The following ROR2 variants were observed in gnomAD, a reference collection of about 807,000 sequenced individuals.
ROR2 encodes tyrosine-protein kinase transmembrane receptor ROR2.
In ROR2, 33 loss-of-function variants were observed where a neutral mutation model predicts 74.9. The ratio of observed to expected loss-of-function variants is 0.44; its 90% CI spans 0.33 to 0.59. ROR2 has a LOEUF of 0.59. Among genes scored for constraint, ROR2 ranks in the 20% least tolerant of loss-of-function variants. The probability of loss-of-function intolerance (pLI) is 0.02; values close to 1 mark genes in which losing one functional copy is unlikely to be tolerated. For synonymous variants in ROR2, 586 were observed against 558.7 expected (o/e 1.05, Z -0.69); for missense variants, 1,216 against 1,313.8 (o/e 0.93, Z 1.15).
intron 1 of ROR2, among the ~76,000 whole-genome samples, chr9:91,812,396 G>A (rs770887617): frequency 1.3e-5 from 2 of 152,068 alleles, no homozygotes; most frequent in African/African-American, 4.8e-5. Context: ...TCCTGCGCGG[G>A]GGCCGGGCAT....
chr9:91,805,096 C>T (rs1032362220), intron 1 of ROR2, among the ~76,000 whole-genome samples: 1 of 152,202 alleles, frequency 6.6e-6, no homozygotes, highest in African/African-American at 2.4e-5. Context: ...AGCCACATGA[C>T]TATCCTCGAG....
chr9:91,904,918 C>T (rs970552236), intron 1 of ROR2, among the ~76,000 whole-genome samples: 5 of 152,108 alleles, frequency 3.3e-5, no homozygotes, highest in African/African-American at 1.2e-4. Context: ...TGTGCGCACA[C>T]ACACCACACA....
intron 1 of ROR2, among the ~76,000 whole-genome samples, chr9:91,868,323 A>C (rs534399566): frequency 3.3e-5 from 5 of 152,186 alleles, no homozygotes; most frequent in Non-Finnish European, 7.3e-5. Context: ...AATTGAAAAG[A>C]AATAAACAGA....
rs1220938638 is a variant in ROR2 at position 91,757,457 on chromosome 9, A to C, written c.278T>G (p.Val93Gly). 1 of 1,613,678 alleles carries C rather than the reference A, an allele frequency of 6.2e-7. No individual in the cohort carries two copies. Reference protein sequence around the residue: ...CKVAGNPPPNVRWLKNDAPVV... With the variant: ...CKVAGNPPPNGRWLKNDAPVV... ...CGGGGCATCATTCTTTAGCCACCGC[A>C]CGTTAGGGGGTGGGTTTCCTGCCAC... Residue 93 changes from valine (V) to glycine (G), a missense_variant, in exon 3 of 9, where the codon GTG (valine) becomes GGG (glycine). Val to Gly is a moderately radical substitution (Grantham distance 109). Coordinates refer to ENST00000375708, the MANE Select transcript of ROR2 (RefSeq NM_004560.4).
At chr9:91,812,150 C>T (rs1377901415) in intron 1 of ROR2, among the ~76,000 whole-genome samples, 1 of 152,024 alleles carries the variant, frequency 6.6e-6, no homozygotes, top group African/African-American at 2.4e-5. Context: ...CCACAAGTGG[C>T]CCACAGGCTG....
chr9:91,867,293 T>C (rs552379766), intron 1 of ROR2, among the ~76,000 whole-genome samples: 1 of 152,334 alleles, frequency 6.6e-6, no homozygotes, highest in South Asian at 2.1e-4. Context: ...TTTTCTTTCT[T>C]TTCTTCATTC....
rs9409459 is a variant in ROR2 at position 91,737,682 on chromosome 9, T to C, written c.495-164A>G. ...CACATAAGTCACACAAAAACCTGTA[T>C]GTAAATGTTTATGGCAGCTTTATTC... On this transcript the variant is annotated intron_variant, in intron 4 of 8. Coordinates refer to ENST00000375708, the MANE Select transcript of ROR2 (RefSeq NM_004560.4). Among the ~76,000 whole-genome samples, 147,538 of 152,304 alleles carry C rather than the reference T, an allele frequency of 0.97. 71,553 individuals carry two copies. Among genetic ancestry groups the C allele is most frequent in the African/African-American group, 0.99 (41,288 of 41,550 alleles).
chr9:91,861,329 A>C (rs7866996), intron 1 of ROR2, among the ~76,000 whole-genome samples: 17,751 of 152,200 alleles, frequency 0.12, 2,261 homozygotes, highest in African/African-American at 0.32. Context: ...AACAATGTTG[A>C]AAAAAATAAA....
At chr9:91,856,223 G>GT (rs1272778391) in intron 1 of ROR2, among the ~76,000 whole-genome samples, 1 of 152,164 alleles carries the variant, frequency 6.6e-6, no homozygotes, top group East Asian at 1.9e-4. Context: ...AGGCATGGTG[G>GT]TGTGTGCCTG....
chr9:91,859,681 C>T (rs957279867), intron 1 of ROR2, among the ~76,000 whole-genome samples: 18 of 152,092 alleles, frequency 1.2e-4, no homozygotes, highest in Admixed American at 7.9e-4. Context: ...AAAAATTAGC[C>T]GGTCGTGGTG....
At chr9:91,769,077 A>G (rs1190166460) in intron 2 of ROR2, among the ~76,000 whole-genome samples, 1 of 152,136 alleles carries the variant, frequency 6.6e-6, no homozygotes, top group African/African-American at 2.4e-5. Flanking sequence ...GGAGGCAGAC[A>G]AGACTGGCAG....
intron 7 of ROR2, 146 bp from the exon 8 acceptor site, chr9:91,726,889 A>G: frequency 1.3e-6 from 1 of 777,626 alleles, no homozygotes. Flanking sequence ...AAAAGGGCAC[A>G]CCACACCTTA....
chr9:91,920,511 G>GA (rs1831235699), intron 1 of ROR2, among the ~76,000 whole-genome samples: 1 of 152,210 alleles, frequency 6.6e-6, no homozygotes, highest in African/African-American at 2.4e-5. Flanking sequence ...GTCTGGAAAA[G>GA]AAAAAGAACA....
chr9:91,887,788 CTTTTTTTTTTT>C (rs771557997), intron 1 of ROR2, among the ~76,000 whole-genome samples: 1 of 100,686 alleles, frequency 9.9e-6, no homozygotes, highest in African/African-American at 4.1e-5. Context: ...CTTTTTTTCT[CTTTTTTTTTTT>C]TTTTTTTTTT....
At chr9:91,940,677 C>G (rs1237610584) in intron 1 of ROR2, among the ~76,000 whole-genome samples, 1 of 140,312 alleles carries the variant, frequency 7.1e-6, no homozygotes, top group East Asian at 2.0e-4. Flanking sequence ...TCACTGTGAC[C>G]TCTGCCTCCT....
chr9:91,855,814 G>A (rs563705116), intron 1 of ROR2, among the ~76,000 whole-genome samples: 13 of 139,904 alleles, frequency 9.3e-5, no homozygotes, highest in Admixed American at 2.1e-4. Flanking sequence ...GGACCAGGGC[G>A]GCCTTGGGGT....
rs955721568 is a variant in ROR2, at chr9:91,803,724, G to C, written c.98-27906C>G. Among the ~76,000 whole-genome samples, 13 of 152,338 alleles carry C rather than the reference G, an allele frequency of 8.5e-5. 1 individual carries two copies. Among genetic ancestry groups the C allele is most frequent in the South Asian group, 6.2e-4 (3 of 4,826 alleles). Reference sequence around the variant, plus strand: ...TGTGGCCTTGCGTATGGGTCCTTGGGGGGCCCACAGCCCTACGTGGGCGTA... The same window carrying C: ...TGTGGCCTTGCGTATGGGTCCTTGGCGGGCCCACAGCCCTACGTGGGCGTA... On this transcript the variant is annotated intron_variant, in intron 1 of 8. Coordinates refer to ENST00000375708, the MANE Select transcript of ROR2 (RefSeq NM_004560.4).
rs561299221 is a variant in ROR2, at chr9:91,812,659, T to C, written c.98-36841A>G. On this transcript the variant is annotated intron_variant, in intron 1 of 8. Transcript: ENST00000375708. ...AGCTGGGTGTGTGTGAACTGTGCTA[T>C]TGGTGGAGAGAAACCCAGTAATCCC... 2.9e-3 allele frequency among the ~76,000 whole-genome samples: 440 copies of C among 152,118 alleles called. 2 individuals are homozygous for C. The highest frequency in any genetic ancestry group is 5.5e-3 in the Non-Finnish European group (371 of 67,970).
intron 1 of ROR2, among the ~76,000 whole-genome samples, chr9:91,803,755 A>AGATGTGC (rs1827464460): frequency 1.3e-5 from 2 of 152,140 alleles, no homozygotes; most frequent in Non-Finnish European, 2.9e-5. Flanking sequence ...GCGTACACAC[A>AGATGTGC]GATGTGCCTC....
Sources: gnomAD v4.1 joint callset for allele counts (sites outside exome capture counted in the v4.1 genomes callset) on GRCh38, gnomAD v4.1.1 for gene constraint, MANE v1.5 for transcripts, NCBI Gene and HGNC (gene_info 2026-07-23, HGNC 2026-07-21) for gene names.